NETO1: variants seen among roughly 807,000 people sequenced by gnomAD.
NETO1 encodes neuropilin and tolloid-like protein 1.
In NETO1, 26 loss-of-function variants were observed where a neutral mutation model predicts 61.3. The ratio of observed to expected loss-of-function variants is 0.42; its 90% confidence interval spans 0.31 to 0.59. The LOEUF is 0.59. Among genes scored for constraint, NETO1 ranks in the 20% least tolerant of loss-of-function variants. The probability of loss-of-function intolerance (pLI) is 0.12; values close to 1 mark genes in which losing one functional copy is unlikely to be tolerated. For synonymous variants in NETO1, 225 were observed against 225.8 expected (o/e 1.00, Z 0.03); for missense variants, 531 against 662.8 (o/e 0.80, Z 2.18).
chr18:72,851,501 T>C (rs1282385471), intron 4 of NETO1, among the ~76,000 whole-genome samples: 2 of 152,150 alleles, frequency 1.3e-5, no homozygotes, highest in East Asian at 3.9e-4. Flanking sequence ...GTATTTAACA[T>C]GTGAGCCACA....
At chr18:72,787,284 C>T (rs147919417) in intron 6 of NETO1, among the ~76,000 whole-genome samples, 117 of 151,526 alleles carry the variant, frequency 7.7e-4, no homozygotes, top group Middle Eastern at 3.4e-3. Context: ...TTGTCACAAG[C>T]AGGAGAACAC....
chr18:72,748,899 AAC>A, intron 10 of NETO1, 113 bp downstream of exon 10: 1 of 732,516 alleles, frequency 1.4e-6, no homozygotes. Flanking sequence ...AATGTCATGA[AAC>A]ACATATCTCA....
intron 4 of NETO1, among the ~76,000 whole-genome samples, chr18:72,804,893 C>T (rs72634462): frequency 0.022 from 3,282 of 152,238 alleles, 121 homozygotes; most frequent in East Asian, 0.17. Context: ...TAATATTCTC[C>T]TTTTTACTGA....
At chr18:72,775,640 A>G (rs1306408079) in intron 7 of NETO1, among the ~76,000 whole-genome samples, 2 of 152,204 alleles carry the variant, frequency 1.3e-5, no homozygotes, top group Non-Finnish European at 2.9e-5. Context: ...ATATGAGAAT[A>G]ACTGTTATCT....
intron 8 of NETO1, among the ~76,000 whole-genome samples, chr18:72,752,337 G>A (rs2070647647): frequency 6.6e-6 from 1 of 152,188 alleles, no homozygotes; most frequent in Admixed American, 6.5e-5. Context: ...ACAACTGGCT[G>A]CAATACCAAC....
At chr18:72,786,530 T>A (rs994210298) in intron 6 of NETO1, among the ~76,000 whole-genome samples, 1 of 152,196 alleles carries the variant, frequency 6.6e-6, no homozygotes, top group Non-Finnish European at 1.5e-5. Context: ...AATACTTTGA[T>A]GCTGATTTAA....
Position 72,748,092 on chromosome 18 carries a change from A to G in NETO1, c.*87T>C. The G allele has an allele frequency of 1.1e-6, 1 of 946,266 alleles. No individual in the cohort carries two copies. The highest frequency in any genetic ancestry group is 1.3e-6 in the Non-Finnish European group (1 of 793,878). The allele number at this position is 946,266 out of a possible 1,614,324, so 58.6% of individuals were successfully genotyped here. ...TAAAGGCAGTGGAATGAATTTAGAA[A>G]TATGTCCACTTTTCACAATTCACTA... On this transcript the variant is annotated 3_prime_UTR_variant, in exon 11 of 11. Coordinates refer to ENST00000327305, the MANE Select transcript of NETO1 (RefSeq NM_138966.5).
intron 4 of NETO1, among the ~76,000 whole-genome samples, chr18:72,849,312 G>A (rs985232099): frequency 8.5e-5 from 13 of 152,074 alleles, no homozygotes; most frequent in South Asian, 2.1e-4. Context: ...TACCCTTTCC[G>A]TCGGTTTCCA....
intron 7 of NETO1, among the ~76,000 whole-genome samples, chr18:72,763,697 C>T (rs1287816756): frequency 1.3e-5 from 2 of 152,062 alleles, no homozygotes; most frequent in Non-Finnish European, 2.9e-5. Context: ...TACTTCTGCT[C>T]TTTATTAATT....
chr18:72,867,257 T>C lies in NETO1; in HGVS notation c.28+7A>G. ...GAGCGCACGGGCGCGGCGGGGAGGG[T>C]ACTCACTGTGAAGCACGCTGCGCCC... On this transcript the variant is annotated splice_region_variant and intron_variant, in intron 1 of 10. Coordinates refer to ENST00000327305, the MANE Select transcript of NETO1 (RefSeq NM_138966.5). The C allele has an allele frequency of 6.6e-7, 1 of 1,506,246 alleles. No homozygotes were observed. The highest frequency in any genetic ancestry group is 8.9e-7 in the Non-Finnish European group (1 of 1,129,116). The allele number at this position is 1,506,246 out of a possible 1,614,324, so 93.3% of individuals were successfully genotyped here. A position where few individuals can be genotyped will look rare whatever the true frequency, so the allele number is the denominator to read the frequency against.
intron 7 of NETO1, among the ~76,000 whole-genome samples, chr18:72,772,777 ACAGATCTC>A (rs1568187101): frequency 2.4e-4 from 30 of 123,638 alleles, no homozygotes; most frequent in South Asian, 8.7e-4. Context: ...ATATATATAT[ACAGATCTC>A]TATATAGTTC....
At chr18:72,788,824 T>C (rs1484587558) in intron 6 of NETO1, among the ~76,000 whole-genome samples, 1 of 152,140 alleles carries the variant, frequency 6.6e-6, no homozygotes, top group Non-Finnish European at 1.5e-5. Flanking sequence ...TACTAAGTAA[T>C]ATATTCACAA....
intron 4 of NETO1, among the ~76,000 whole-genome samples, chr18:72,841,318 CG>C (rs1476458839): frequency 6.6e-6 from 1 of 152,066 alleles, no homozygotes; most frequent in Non-Finnish European, 1.5e-5. Flanking sequence ...AACAGGTCCA[CG>C]GTGAGAGAAG....
At chr18:72,842,829 C>G (rs567516783) in intron 4 of NETO1, among the ~76,000 whole-genome samples, 1 of 152,110 alleles carries the variant, frequency 6.6e-6, no homozygotes, top group Non-Finnish European at 1.5e-5. Context: ...ATAGGTATAG[C>G]ATACCTCATA....
intron 6 of NETO1, among the ~76,000 whole-genome samples, chr18:72,790,047 A>G (rs1021195483): frequency 6.6e-6 from 1 of 152,166 alleles, no homozygotes; most frequent in African/African-American, 2.4e-5. Flanking sequence ...TTTTTATTTT[A>G]ATTTGACTGA....
At chr18:72,759,146 C>T (rs2070886826) in intron 7 of NETO1, among the ~76,000 whole-genome samples, 1 of 152,152 alleles carries the variant, frequency 6.6e-6, no homozygotes, top group South Asian at 2.1e-4. Context: ...TAGCCCATTG[C>T]TCCTAGCACA....
At chr18:72,808,454 TGG>T (rs1491170710) in intron 4 of NETO1, among the ~76,000 whole-genome samples, 70 of 124,326 alleles carry the variant, frequency 5.6e-4, no homozygotes, top group African/African-American at 1.8e-3. Context: ...TGTGTGTGTG[TGG>T]AGTGTGTGTG....
At chr18:72,859,934 A>AC (rs1486414192) in intron 3 of NETO1, among the ~76,000 whole-genome samples, 1 of 151,574 alleles carries the variant, frequency 6.6e-6, no homozygotes, top group Non-Finnish European at 1.5e-5. Flanking sequence ...ATTTCCAAAA[A>AC]AAAAAAGTCT....
intron 7 of NETO1, among the ~76,000 whole-genome samples, chr18:72,758,042 A>G (rs1013944419): frequency 7.6e-6 from 1 of 130,900 alleles, no homozygotes; most frequent in East Asian, 2.1e-4. Context: ...TATTATAATT[A>G]TTAAATAGGA....
Sources: gnomAD v4.1 joint callset for allele counts (sites outside exome capture counted in the v4.1 genomes callset) on GRCh38, gnomAD v4.1.1 for gene constraint, MANE v1.5 for transcripts, NCBI Gene and HGNC (gene_info 2026-07-23, HGNC 2026-07-21) for gene names.